KLHL13: variants seen among roughly 807,000 people sequenced by gnomAD.
KLHL13 encodes the protein kelch-like protein 13.
Under a neutral mutation model 37.1 loss-of-function variants are expected in KLHL13, and 10 were observed. The observed-to-expected ratio is 0.27, with a 90% CI of 0.17 to 0.46. KLHL13 has a LOEUF of 0.46. Among genes scored for constraint, KLHL13 ranks in the 20% least tolerant of loss-of-function variants. KLHL13 has a pLI of 1.00. For missense variants in KLHL13, 360 were observed against 509.3 expected (o/e 0.71, Z 2.82); for synonymous variants, 163 against 181.2 (o/e 0.90, Z 0.81).
chrX:118,056,339 T>C (rs1176655401), intron 1 of KLHL13, among the ~76,000 whole-genome samples: 1 of 111,585 alleles, frequency 9.0e-6, no homozygotes, highest in Non-Finnish European at 1.9e-5. Context: ...ACATACCATG[T>C]TCATGGATTG....
intron 1 of KLHL13, among the ~76,000 whole-genome samples, chrX:118,087,040 TAAAGGATTTCTCTTATTGAAAATGAG>T (rs896887325): frequency 1.8e-5 from 2 of 111,293 alleles, no homozygotes; most frequent in African/African-American, 6.5e-5. Flanking sequence ...AATTGGAAAA[TAAAGGATTTCTCTTATTGAAAATGAG>T]AAAAATACAA....
chrX:118,096,879 C>T (rs868502697), intron 1 of KLHL13, among the ~76,000 whole-genome samples: 39 of 109,800 alleles, frequency 3.6e-4, no homozygotes, highest in East Asian at 1.1e-3. Context: ...AATTCAGCAA[C>T]GCTTCATGCT....
intron 2 of KLHL13, among the ~76,000 whole-genome samples, chrX:117,934,015 C>A (rs779514333): frequency 2.7e-5 from 3 of 110,940 alleles, no homozygotes; most frequent in Non-Finnish European, 5.7e-5. Flanking sequence ...GCCATTATCC[C>A]AAGCAAATTA....
chrX:117,950,819 G>A (rs1436453831), intron 1 of KLHL13, among the ~76,000 whole-genome samples: 1 of 112,560 alleles, frequency 8.9e-6, no homozygotes, highest in Non-Finnish European at 1.9e-5. Flanking sequence ...CTGAAACAGA[G>A]AAGTGTCTGC....
chrX:118,090,486 T>C (rs1602715329), intron 1 of KLHL13, among the ~76,000 whole-genome samples: 2 of 111,894 alleles, frequency 1.8e-5, no homozygotes, highest in Admixed American at 1.9e-4. Flanking sequence ...CAGACACTTC[T>C]CAAAAGAAGA....
At chrX:118,051,943 A>G (rs1016795839) in intron 1 of KLHL13, among the ~76,000 whole-genome samples, 1 of 111,554 alleles carries the variant, frequency 9.0e-6, no homozygotes, top group Non-Finnish European at 1.9e-5. Context: ...TTTCCAGTGG[A>G]TATTAAAATG....
intron 1 of KLHL13, among the ~76,000 whole-genome samples, chrX:117,993,824 C>T (rs1418079123): frequency 8.3e-5 from 9 of 108,701 alleles, no homozygotes; most frequent in Non-Finnish European, 1.7e-4. Flanking sequence ...GCAACCTCTG[C>T]CTCCTGGGTT....
At chrX:118,078,927 C>T (rs1401500875) in intron 1 of KLHL13, among the ~76,000 whole-genome samples, 1 of 110,998 alleles carries the variant, frequency 9.0e-6, no homozygotes, top group African/African-American at 3.3e-5. Context: ...CCAGCACCTT[C>T]GCATTGTCAG....
intron 1 of KLHL13, among the ~76,000 whole-genome samples, chrX:118,102,464 C>A (rs2055300638): frequency 9.0e-6 from 1 of 111,646 alleles, no homozygotes; most frequent in Non-Finnish European, 1.9e-5. Context: ...GTGTTTTCTC[C>A]TGCCACTTTT....
intron 1 of KLHL13, among the ~76,000 whole-genome samples, chrX:117,954,569 G>A (rs1933806180): frequency 8.9e-6 from 1 of 112,509 alleles, no homozygotes; most frequent in Admixed American, 9.4e-5. Flanking sequence ...TCTAAATGTT[G>A]ATTCCATACC....
chrX:117,916,280 A>T lies in KLHL13; in HGVS notation c.570+3241T>A, dbSNP rs749787767. 2.7e-5 allele frequency among the ~76,000 whole-genome samples: 3 copies of T among 112,785 alleles called. No homozygotes were observed. In the East Asian group the frequency reaches 8.3e-4, roughly 31 times the overall value. On this transcript the variant is annotated intron_variant, in intron 4 of 6. Transcript: ENST00000262820. ...GTAATTTTTAGGTATGACTAAACAAAGGCAATTTTCCATTATCTTCATAGT... is the reference window on the plus strand; with the variant it reads ...GTAATTTTTAGGTATGACTAAACAATGGCAATTTTCCATTATCTTCATAGT...
At chrX:118,089,669 A>AGAAAGAAAGAAAGAAAG (rs1556002570) in intron 1 of KLHL13, among the ~76,000 whole-genome samples, 6 of 88,075 alleles carry the variant, frequency 6.8e-5, no homozygotes, top group African/African-American at 2.7e-4. Flanking sequence ...AAAGAAAGAA[A>AGAAAGAAAGAAAGAAAG]AAAGAAAGTT....
chrX:118,102,736 A>G (rs780053917), intron 1 of KLHL13, among the ~76,000 whole-genome samples: 1 of 112,413 alleles, frequency 8.9e-6, no homozygotes, highest in African/African-American at 3.2e-5. Flanking sequence ...AGATCCCCAT[A>G]TAAAACAGGT....
intron 1 of KLHL13, among the ~76,000 whole-genome samples, chrX:118,098,555 C>T (rs2055242125): frequency 1.8e-5 from 2 of 110,050 alleles, no homozygotes; most frequent in African/African-American, 6.7e-5. Context: ...TACCATTTGA[C>T]CCAGCCATCC....
rs188528508 is a variant in KLHL13 at position 118,055,607 on chromosome X, C to T, written c.-56+60901G>A. ...TCAACCACAGAAATTTAAGGGGTTG[C>T]AAAAAAAATTCAGTAATAAAGATGA... On this transcript the variant is annotated intron_variant, in intron 1 of 6. Transcript: ENST00000371882. Among the ~76,000 whole-genome samples the T allele has an allele frequency of 3.6e-5, 4 of 110,313 alleles. No individual in the cohort carries two copies. The Admixed American group carries it at 3.9e-4, about 11-fold the overall frequency.
At chrX:118,066,644 CT>C (rs1309030503) in intron 1 of KLHL13, among the ~76,000 whole-genome samples, 2 of 110,951 alleles carry the variant, frequency 1.8e-5, no homozygotes, top group African/African-American at 3.3e-5. Flanking sequence ...ACAAAATGAT[CT>C]TTATCAAATT....
At chrX:117,955,320 AT>A (rs748595936) in intron 1 of KLHL13, among the ~76,000 whole-genome samples, 63 of 111,680 alleles carry the variant, frequency 5.6e-4, no homozygotes, top group Non-Finnish European at 2.3e-4. Flanking sequence ...GAGAATGTTT[AT>A]TTATCTTTTA....
intron 1 of KLHL13, among the ~76,000 whole-genome samples, chrX:118,099,119 A>G (rs1569317212): frequency 1.9e-5 from 2 of 103,181 alleles, no homozygotes; most frequent in African/African-American, 8.0e-5. Context: ...TAATAATAAA[A>G]TTTAAAAAAA....
intron 1 of KLHL13, among the ~76,000 whole-genome samples, chrX:118,040,878 A>T (rs2054499987): frequency 8.9e-6 from 1 of 112,272 alleles, no homozygotes; most frequent in African/African-American, 3.2e-5. Context: ...TTCAGTGGAA[A>T]CCTTATAGGC....
Sources: gnomAD v4.1 joint callset for allele counts (sites outside exome capture counted in the v4.1 genomes callset) on GRCh38, gnomAD v4.1.1 for gene constraint, MANE v1.5 for transcripts, NCBI Gene and HGNC (gene_info 2026-07-23, HGNC 2026-07-21) for gene names.